Variants in KLC1 observed in about 807,000 individuals in gnomAD.
The protein encoded by KLC1 is kinesin light chain 1, also known as kinesin 2 60/70kDa.
A neutral mutation model predicts 84.2 loss-of-function variants in KLC1; 30 were observed. The ratio of observed to expected loss-of-function variants is 0.36; its 90% CI spans 0.27 to 0.48. KLC1 has a LOEUF of 0.48. KLC1 is among the 20% of genes least tolerant of loss of function. The pLI is 0.99. For synonymous variants in KLC1, 289 were observed against 293.3 expected (o/e 0.99, Z 0.15); for missense variants, 499 against 805.4 (o/e 0.62, Z 4.60).
At chr14:103,636,868 G>A (rs1290696640) in intron 1 of KLC1, among the ~76,000 whole-genome samples, 1 of 151,458 alleles carries the variant, frequency 6.6e-6, no homozygotes, top group Non-Finnish European at 1.5e-5. Flanking sequence ...GACTACAGGC[G>A]CCTGCCACCA....
intron 15 of KLC1, chr14:103,698,159 C>G (rs538889498): frequency 6.3e-6 from 1 of 157,878 alleles, no homozygotes; most frequent in Non-Finnish European, 1.4e-5. Flanking sequence ...CACCCCCAGG[C>G]TCTCCTGGAC....
At chr14:103,645,641 T>C (rs771269552) in intron 1 of KLC1, among the ~76,000 whole-genome samples, 4 of 152,122 alleles carry the variant, frequency 2.6e-5, no homozygotes, top group Non-Finnish European at 5.9e-5. Flanking sequence ...AGCCCATTGC[T>C]CCTAGGCTAA....
Position 103,686,193 on chromosome 14 carries a change from CT to C in KLC1, c.1651-885del, listed in dbSNP as rs895736666. 1.0e-5 allele frequency: 10 copies of C among 986,896 alleles called. No individual in the cohort carries two copies. In the African/African-American group the frequency reaches 1.7e-4, roughly 17 times the overall value. The allele number at this position is 986,896 out of a possible 1,614,324, so 61.1% of individuals were successfully genotyped here. A position where few individuals can be genotyped will look rare whatever the true frequency, so the allele number is the denominator to read the frequency against. ...TGCTCAGTGATTTGTGTATTTGTGT[CT>C]TTCTAACTTCTAATAAACTCACTCC... is the stretch of plus-strand genomic sequence containing the variant. On this transcript the variant is annotated intron_variant, in intron 13 of 16. Transcript: ENST00000334553.
intron 15 of KLC1, chr14:103,699,417 T>C (rs773686312): frequency 2.5e-6 from 4 of 1,612,470 alleles, no homozygotes; most frequent in Non-Finnish European, 3.4e-6. Context: ...TCACGCAGCG[T>C]GGCCCCCAGG....
intron 13 of KLC1, chr14:103,685,713 G>C: frequency 7.8e-7 from 1 of 1,289,482 alleles, no homozygotes; most frequent in Non-Finnish European, 1.0e-6. Flanking sequence ...TCTCTCTCCA[G>C]TGCTGCCCGC....
In KLC1 at chr14:103,662,880, C is replaced by G. The variant is rs754622495; in HGVS notation, c.750C>G (p.Asp250Glu). ...LEDLEKTSGH[D>E]HPDVATMLNI... is the part of the protein sequence containing the mutation. ...ACCTGGAGAAGACTTCAGGACACGA[C>G]CACCCGGACGTGGCCACCATGCTCA... Residue 250 changes from aspartate to glutamate, a missense_variant, in exon 5 of 17, where the codon GAC becomes GAG. Physicochemically the swap from Asp to Glu is conservative, Grantham distance 45. This residue lies in a region of KLC1 where 153 missense variants were observed against 332.4 expected (regional missense o/e 0.46). Transcript: ENST00000334553. 6.9e-5 allele frequency: 112 copies of G among 1,613,592 alleles called. No homozygotes were observed. Among genetic ancestry groups the G allele is most frequent in the Non-Finnish European group, 9.2e-5 (108 of 1,179,950 alleles).
intron 13 of KLC1, 87 bp downstream of exon 13, chr14:103,679,632 CCTT>C (rs568137507): frequency 4.9e-5 from 46 of 947,428 alleles, no homozygotes; most frequent in African/African-American, 3.3e-4. Context: ...ATGTGCTAGA[CCTT>C]CTGCTTTTCT....
At position 103,665,410 on chromosome 14, in the gene KLC1, CTGTCT is replaced by C. The variant is rs558877161; in HGVS notation, c.797+2498_797+2502del. Among the ~76,000 whole-genome samples the C allele has an allele frequency of 9.5e-4, 145 of 152,060 alleles. 2 individuals carry two copies. The East Asian group carries it at 0.02, about 21-fold the overall frequency. Reference sequence around the variant, plus strand: ...TCTTTCTGTCTGTCTGTCTGTCTTTCTGTCTTGTCTTGTCTTGTCCTGTCCTGTCC... The same window carrying C: ...TCTTTCTGTCTGTCTGTCTGTCTTTCTGTCTTGTCTTGTCCTGTCCTGTCC... On this transcript the variant is annotated intron_variant, in intron 5 of 16. Coordinates refer to ENST00000334553, the MANE Select transcript of KLC1 (RefSeq NM_001394837.1).
intron 1 of KLC1, among the ~76,000 whole-genome samples, chr14:103,632,469 A>G (rs983011843): frequency 6.9e-6 from 1 of 145,876 alleles, no homozygotes. Context: ...TAATCCCAGC[A>G]CTTTGGGAGG....
Position 103,687,064 on chromosome 14 carries a change from G to T in KLC1, c.1651-17G>T, listed in dbSNP as rs1567038749. Reference sequence around the variant, plus strand: ...GAGAACCACCTGCAGCTTCACGTTTGTTCACGTTTTTTTCAGGATGGCACT... The same window carrying T: ...GAGAACCACCTGCAGCTTCACGTTTTTTCACGTTTTTTTCAGGATGGCACT... On this transcript the variant is annotated splice_polypyrimidine_tract_variant and intron_variant, in intron 13 of 16. Transcript: ENST00000334553. 1 of 1,516,056 alleles carries T rather than the reference G, an allele frequency of 6.6e-7. No homozygotes were observed. Among genetic ancestry groups the T allele is most frequent in the Non-Finnish European group, 8.9e-7 (1 of 1,119,368 alleles). 93.9% of individuals were successfully genotyped at this position (1,516,056 alleles called of 1,614,324 possible). A position where few individuals can be genotyped will look rare whatever the true frequency, so the allele number is the denominator to read the frequency against.
intron 15 of KLC1, chr14:103,695,751 G>A (rs1004095424): frequency 2.4e-5 from 24 of 985,328 alleles, no homozygotes; most frequent in Admixed American, 6.1e-5. Context: ...CTTTAGGGCC[G>A]AGGTGGCCTC....
At position 103,631,899 on chromosome 14, in the gene KLC1, T is replaced by C. The variant is rs549119704; in HGVS notation, c.-2+2405T>C. 2.0e-5 allele frequency among the ~76,000 whole-genome samples: 3 copies of C among 152,252 alleles called. No homozygotes were observed. The South Asian group carries it at 6.2e-4, about 32-fold the overall frequency. On this transcript the variant is annotated intron_variant, in intron 1 of 16. Coordinates refer to ENST00000334553, the MANE Select transcript of KLC1 (RefSeq NM_001394837.1). ...CAGGTGTGAGCCATTGCACCTGGGC[T>C]GAAACCAGTATTTTATGTAGCAAAG...
intron 5 of KLC1, among the ~76,000 whole-genome samples, chr14:103,666,841 A>G (rs1223298280): frequency 7.0e-6 from 1 of 143,824 alleles, no homozygotes; most frequent in African/African-American, 2.6e-5. Flanking sequence ...CAATGGCATC[A>G]TCTTGGCTCA....
chr14:103,630,183 C>T (rs891016026), intron 1 of KLC1, among the ~76,000 whole-genome samples: 5 of 152,240 alleles, frequency 3.3e-5, no homozygotes, highest in African/African-American at 9.6e-5. Flanking sequence ...TTGAAGCAGC[C>T]TCCGTCCTGG....
In KLC1 at chr14:103,673,049, G is replaced by A. The variant is rs533612411; in HGVS notation, c.1023G>A (p.Gln341=). 6.2e-7 allele frequency: 1 copy of A among 1,613,974 alleles called. No homozygotes were observed. Among genetic ancestry groups the A allele is most frequent in the East Asian group, 2.2e-5 (1 of 44,880 alleles). The change falls in exon 8 of 17, where the codon CAG becomes CAA. Residue 341 remains glutamine (Q), a synonymous_variant. Coordinates refer to ENST00000334553, the MANE Select transcript of KLC1 (RefSeq NM_001394837.1). Reference sequence around the variant, plus strand: ...AGGATCACCCCGATGTTGCCAAGCAGTTAAATAACTTGGCCTTACTGTGCC... The same window carrying A: ...AGGATCACCCCGATGTTGCCAAGCAATTAAATAACTTGGCCTTACTGTGCC... ...LGKDHPDVAK[Q]LNNLALLCQN...
chr14:103,633,849 G>T (rs954616266), intron 1 of KLC1, among the ~76,000 whole-genome samples: 4 of 151,980 alleles, frequency 2.6e-5, no homozygotes, highest in Non-Finnish European at 5.9e-5. Flanking sequence ...TATCTTAAAT[G>T]CTGTATTATT....
In KLC1 at chr14:103,692,272, G is replaced by A. The variant is rs950959447; in HGVS notation, c.1782-87G>A. ...CTAGAGCCCCCAGTGTCACAGAGGC[G>A]TTGGAGGGGGCTTTGCTTGTGCTTC... On this transcript the variant is annotated intron_variant, in intron 14 of 16. Coordinates refer to ENST00000334553, the MANE Select transcript of KLC1 (RefSeq NM_001394837.1). 5.6e-5 allele frequency: 72 copies of A among 1,274,714 alleles called. 1 individual carries two copies. The highest frequency in any genetic ancestry group is 3.7e-4 in the Middle Eastern group (2 of 5,472). The allele number at this position is 1,274,714 out of a possible 1,614,324, so 79.0% of individuals were successfully genotyped here. A position where few individuals can be genotyped will look rare whatever the true frequency, so the allele number is the denominator to read the frequency against.
At chr14:103,677,078 C>T (rs2080961795) in intron 11 of KLC1, among the ~76,000 whole-genome samples, 1 of 152,194 alleles carries the variant, frequency 6.6e-6, no homozygotes, top group African/African-American at 2.4e-5. Context: ...ACCAAGTCGT[C>T]TCCAGGGAAA....
intron 8 of KLC1, 65 bp from the exon 9 acceptor site, chr14:103,673,267 G>T: frequency 6.4e-7 from 1 of 1,556,636 alleles, no homozygotes; most frequent in South Asian, 1.2e-5. Flanking sequence ...TTTAACTGGA[G>T]ATTAAAATGT....
Sources: gnomAD v4.1 joint callset for allele counts (sites outside exome capture counted in the v4.1 genomes callset) on GRCh38, gnomAD v4.1.1 for gene constraint, gnomAD v4.1.1 regional missense constraint, MANE v1.5 for transcripts, NCBI Gene and HGNC (gene_info 2026-07-23, HGNC 2026-07-21) for gene names.